The following LRRC4C variants were observed in gnomAD, a reference collection of about 807,000 sequenced individuals.
The protein encoded by LRRC4C is leucine rich repeat containing 4C.
LRRC4C carries 5 observed loss-of-function variants against 33.6 expected under a neutral mutation model. That is an observed-to-expected ratio of 0.15 (90% CI 0.08 to 0.31). LRRC4C has a LOEUF of 0.31. LRRC4C is among the 10% of genes least tolerant of loss of function. The pLI is 1.00. For synonymous variants in LRRC4C, 329 were observed against 302.0 expected, an observed-to-expected ratio of 1.09 and a Z score of -0.93; for missense variants, 560 against 796.7, an observed-to-expected ratio of 0.70 and a Z score of 3.58.
intron 3 of LRRC4C, among the ~76,000 whole-genome samples, chr11:40,451,267 C>A (rs142882123): frequency 6.7e-6 from 1 of 150,154 alleles, no homozygotes; most frequent in African/African-American, 2.4e-5. Context: ...AATTGATAAG[C>A]CTTTAGTTAA....
Position 41,222,963 on chromosome 11 carries a change from C to T in LRRC4C, c.-496+236468G>A, listed in dbSNP as rs1947373254. The T allele has an allele frequency of 5.9e-5, 9 of 151,920 alleles. No individual in the cohort carries two copies. In the South Asian group the frequency reaches 1.9e-3, roughly 32 times the overall value. The allele number at this position is 151,920 out of a possible 1,614,324, so 9.4% of individuals were successfully genotyped here. A position where few individuals can be genotyped will look rare whatever the true frequency, so the allele number is the denominator to read the frequency against. On this transcript the variant is annotated intron_variant, in intron 1 of 6. Coordinates refer to ENST00000528697, the MANE Select transcript of LRRC4C (RefSeq NM_001258419.2). ...TTAATTCTCTTTGAGCCTCAGTATC[C>T]TCTTCATCAAATACGGATAATGACA...
Position 41,389,248 on chromosome 11 carries a change from G to A in LRRC4C, c.-496+70183C>T, listed in dbSNP as rs533743570. 2.6e-4 allele frequency among the ~76,000 whole-genome samples: 39 copies of A among 151,822 alleles called. No homozygotes were observed. In the South Asian group the frequency reaches 4.4e-3, roughly 17 times the overall value. On this transcript the variant is annotated intron_variant, in intron 1 of 6. Transcript: ENST00000528697. ...ACATGTAGGTCCCACAAAATGCTGTGGTGTAAGTACCCTTATGACCCTAAT... is the reference window on the plus strand; with the variant it reads ...ACATGTAGGTCCCACAAAATGCTGTAGTGTAAGTACCCTTATGACCCTAAT...
chr11:41,127,977 T>C (rs1273915092), intron 1 of LRRC4C, among the ~76,000 whole-genome samples: 4 of 152,152 alleles, frequency 2.6e-5, no homozygotes, highest in African/African-American at 9.6e-5. Context: ...GGTTCCACTA[T>C]TGGCTGGCCC....
intron 2 of LRRC4C, among the ~76,000 whole-genome samples, chr11:40,804,216 C>T (rs1251835513): frequency 6.6e-6 from 1 of 152,084 alleles, no homozygotes; most frequent in Non-Finnish European, 1.5e-5. Flanking sequence ...ATTCCACATC[C>T]TTACACCAAT....
intron 2 of LRRC4C, among the ~76,000 whole-genome samples, chr11:40,825,941 G>A (rs5003660): frequency 2.5e-5 from 1 of 40,388 alleles, no homozygotes; most frequent in African/African-American, 5.2e-5. Flanking sequence ...ATTGTATTCT[G>A]GGGGGGGGGC....
intron 2 of LRRC4C, among the ~76,000 whole-genome samples, chr11:40,767,390 C>G (rs1311664703): frequency 6.6e-6 from 1 of 151,862 alleles, no homozygotes; most frequent in Non-Finnish European, 1.5e-5. Flanking sequence ...ACATTGACAC[C>G]CCCCTTTCAG....
intron 1 of LRRC4C, among the ~76,000 whole-genome samples, chr11:41,285,221 A>G (rs571985112): frequency 6.6e-6 from 1 of 152,248 alleles, no homozygotes; most frequent in South Asian, 2.1e-4. Context: ...CTATTCATCC[A>G]TCCATCAATC....
intron 4 of LRRC4C, among the ~76,000 whole-genome samples, chr11:40,295,508 T>G (rs565873515): frequency 7.9e-5 from 12 of 152,208 alleles, no homozygotes; most frequent in Non-Finnish European, 1.8e-4. Context: ...AAAAGATTTA[T>G]TAAGAGAACA....
intron 4 of LRRC4C, among the ~76,000 whole-genome samples, chr11:40,276,313 T>C (rs1210750048): frequency 5.9e-5 from 9 of 152,110 alleles, no homozygotes; most frequent in Admixed American, 5.9e-4. Flanking sequence ...TGCTTTGTCT[T>C]GCCAGCCCTA....
At position 40,433,513 on chromosome 11, in the gene LRRC4C, G is replaced by A. The variant is rs1951019125; in HGVS notation, c.-269-113792C>T. Among the ~76,000 whole-genome samples, 5 of 152,178 alleles carry A rather than the reference G, an allele frequency of 3.3e-5. No homozygotes were observed. In the South Asian group the frequency reaches 1.0e-3, roughly 32 times the overall value. On this transcript the variant is annotated intron_variant, in intron 3 of 6. Coordinates refer to ENST00000528697, the MANE Select transcript of LRRC4C (RefSeq NM_001258419.2). Reference sequence around the variant, plus strand: ...ACTTTTTGATTTCCTATAAAATGAGGTGGGTTGAGAAGAGAGAGATAGAGG... The same window carrying A: ...ACTTTTTGATTTCCTATAAAATGAGATGGGTTGAGAAGAGAGAGATAGAGG...
intron 1 of LRRC4C, among the ~76,000 whole-genome samples, chr11:41,304,925 T>C (rs1950438432): frequency 1.6e-5 from 1 of 63,474 alleles, no homozygotes; most frequent in East Asian, 7.8e-4. Flanking sequence ...TGGGGGGGGG[T>C]CAGCCCACCT....
chr11:40,516,780 T>C (rs1955576941), intron 3 of LRRC4C, among the ~76,000 whole-genome samples: 1 of 152,094 alleles, frequency 6.6e-6, no homozygotes, highest in Non-Finnish European at 1.5e-5. Flanking sequence ...TGTAAAAATA[T>C]GGTTGGAGTT....
rs181509215 is a variant in LRRC4C, at chr11:40,157,862, A to G, written c.-95-17009T>C. ...GAAAACAGTGTGGAGATTCCTTAAAAAAACTAAAGGTAAGAAACTACCATT... is the reference window on the plus strand; with the variant it reads ...GAAAACAGTGTGGAGATTCCTTAAAGAAACTAAAGGTAAGAAACTACCATT... On this transcript the variant is annotated intron_variant, in intron 5 of 6. Coordinates refer to ENST00000528697, the MANE Select transcript of LRRC4C (RefSeq NM_001258419.2). Among the ~76,000 whole-genome samples the G allele has an allele frequency of 2.9e-3, 440 of 152,194 alleles. 1 individual carries two copies. The highest frequency in any genetic ancestry group is 4.9e-3 in the Non-Finnish European group (332 of 67,954).
chr11:40,583,945 G>A (rs146284489), intron 3 of LRRC4C, among the ~76,000 whole-genome samples: 33 of 151,736 alleles, frequency 2.2e-4, no homozygotes, highest in African/African-American at 7.5e-4. Flanking sequence ...CTCATGAGGA[G>A]CATAGTAGAC....
intron 2 of LRRC4C, among the ~76,000 whole-genome samples, chr11:40,747,463 G>A (rs148046255): frequency 1.3e-5 from 2 of 152,070 alleles, no homozygotes; most frequent in East Asian, 3.9e-4. Flanking sequence ...TACACCAGAT[G>A]TATATATATA....
chr11:40,924,100 A>ATG (rs755711151), intron 2 of LRRC4C, among the ~76,000 whole-genome samples: 13,163 of 144,710 alleles, frequency 0.091, 576 homozygotes, highest in African/African-American at 0.1. Context: ...GTGTGTGTGT[A>ATG]TGTGTGTGTG....
intron 1 of LRRC4C, among the ~76,000 whole-genome samples, chr11:41,077,595 C>A (rs1369770839): frequency 6.6e-6 from 1 of 152,088 alleles, no homozygotes; most frequent in African/African-American, 2.4e-5. Flanking sequence ...AGTGGCAGGG[C>A]CCTGGGCCCA....
intron 3 of LRRC4C, among the ~76,000 whole-genome samples, chr11:40,359,273 C>T (rs1947836090): frequency 6.6e-6 from 1 of 152,194 alleles, no homozygotes; most frequent in South Asian, 2.1e-4. Context: ...ATCCTATCTT[C>T]TGTGCCAGAG....
At chr11:40,667,484 T>A (rs573598519) in intron 2 of LRRC4C, among the ~76,000 whole-genome samples, 2 of 152,324 alleles carry the variant, frequency 1.3e-5, no homozygotes, top group South Asian at 4.1e-4. Context: ...CTGCAACTTG[T>A]TTCTAGTCAA....
Sources: allele counts gnomAD v4.1 joint callset (sites outside exome capture counted in the v4.1 genomes callset), GRCh38; gene constraint gnomAD v4.1.1; transcripts MANE v1.5; gene names NCBI Gene and HGNC (gene_info 2026-07-23, HGNC 2026-07-21).